The following ADGRG5 variants were observed in gnomAD, a reference collection of about 807,000 sequenced individuals.
ADGRG5 encodes adhesion G protein-coupled receptor G5.
In ADGRG5, 37 loss-of-function variants were observed where a neutral mutation model predicts 53.2. That is an observed-to-expected ratio of 0.70 (90% CI 0.53 to 0.91). The LOEUF is 0.91. ADGRG5 is among the 40% of genes least tolerant of loss of function. The pLI is 0.00. For synonymous variants in ADGRG5, 277 were observed against 290.4 expected (o/e 0.95, Z 0.47); for missense variants, 614 against 675.8 (o/e 0.91, Z 1.01).
At chr16:57,571,052 C>CT (rs1241810123) in intron 10 of ADGRG5, among the ~76,000 whole-genome samples, 28 of 151,550 alleles carry the variant, frequency 1.8e-4, no homozygotes, top group African/African-American at 4.8e-4. Flanking sequence ...CACGCTGCTG[C>CT]TTTTTTTTTA....
chr16:57,567,196 G>A (rs1205917850), intron 7 of ADGRG5, among the ~76,000 whole-genome samples: 1 of 152,214 alleles, frequency 6.6e-6, no homozygotes, highest in Non-Finnish European at 1.5e-5. Context: ...GACCAGGCCT[G>A]GCACCCCTTT....
At chr16:57,532,353 C>T in the ADGRG5 span, among the ~76,000 whole-genome samples, 1 of 152,174 alleles carries the variant, frequency 6.6e-6, no homozygotes, top group Non-Finnish European at 1.5e-5. Flanking sequence ...CCATACAGAT[C>T]CAGGCTCTGG....
At chr16:57,561,066 G>A (rs145937502) in intron 1 of ADGRG5, among the ~76,000 whole-genome samples, 41 of 152,296 alleles carry the variant, frequency 2.7e-4, no homozygotes, top group Non-Finnish European at 5.0e-4. Context: ...GGCATGAGCC[G>A]CCATGCCTGG....
chr16:57,563,893 G>C lies in ADGRG5; in HGVS notation c.343G>C (p.Ala115Pro), dbSNP rs747653288. The change falls in exon 5 of 12, where the codon GCC (alanine) becomes CCC (proline). Residue 115 changes from alanine (A) to proline (P), a missense_variant. Ala to Pro is a conservative substitution (Grantham distance 27). Coordinates refer to ENST00000349457, the MANE Select transcript of ADGRG5 (RefSeq NM_001304376.3). ...ARGQHAMQFP[A>P]ELTRDACKTR... ...GGGTCAGCACGCCATGCAGTTCCCC[G>C]CCGAGCTGACCCGGGACGCCTGCAA... 10 of 1,613,918 alleles carry C rather than the reference G, an allele frequency of 6.2e-6. No individual in the cohort carries two copies. Among genetic ancestry groups the C allele is most frequent in the Non-Finnish European group, 8.5e-6 (10 of 1,180,008 alleles).
chr16:57,542,994 T>C (rs1361111276), intron 1 of ADGRG5: 3 of 152,118 alleles, frequency 2.0e-5, no homozygotes, highest in African/African-American at 7.2e-5. Flanking sequence ...TGAAGAGAGG[T>C]TTCTTTTCTG....
intron 1 of ADGRG5, among the ~76,000 whole-genome samples, chr16:57,544,132 A>G (rs1405415369): frequency 6.6e-6 from 1 of 152,142 alleles, no homozygotes; most frequent in Admixed American, 6.5e-5. Context: ...GGGAGGCTGC[A>G]GTGTGCAGGG....
intron 1 of ADGRG5, among the ~76,000 whole-genome samples, chr16:57,559,819 C>A (rs1198699140): frequency 1.3e-5 from 2 of 151,824 alleles, no homozygotes; most frequent in African/African-American, 4.8e-5. Context: ...ATCTGACTCT[C>A]TACTTTCTAG....
Position 57,554,611 on chromosome 16 carries a change from T to C in ADGRG5, c.-38-7445T>C, listed in dbSNP as rs527848614. ...CAGGATGGTCTCAATCTCCTGACTT[T>C]GTGATCCGCCCACCTTGGCCTCCCA... On this transcript the variant is annotated intron_variant, in intron 1 of 11. Transcript: ENST00000349457. Among the ~76,000 whole-genome samples, 122 of 152,220 alleles carry C rather than the reference T, an allele frequency of 8.0e-4. No individual in the cohort carries two copies. In the Middle Eastern group the frequency reaches 0.01, roughly 13 times the overall value.
the ADGRG5 span, among the ~76,000 whole-genome samples, chr16:57,531,408 C>T: frequency 6.6e-6 from 1 of 152,084 alleles, no homozygotes; most frequent in East Asian, 1.9e-4. Flanking sequence ...GCCTTCCATC[C>T]ACCTTCTTTG....
At position 57,567,950 on chromosome 16, in the gene ADGRG5, A is replaced by C; in HGVS notation, c.916A>C (p.Met306Leu). Residue 306 changes from methionine (M) to leucine (L), a missense_variant, in exon 9 of 12, where the codon ATG becomes CTG. Physicochemically the swap from Met to Leu is conservative, Grantham distance 15. Coordinates refer to ENST00000349457, the MANE Select transcript of ADGRG5 (RefSeq NM_001304376.3). The part of the protein sequence containing the change: ...IAFLLSPAFA[M>L]SPVPGSACTA... The stretch of plus-strand genomic sequence containing the variant: ...CTTCCTGCTGAGCCCCGCATTCGCA[A>C]TGTCTCCTGTGCCCGGGTCAGCATG... The C allele has an allele frequency of 6.2e-7, 1 of 1,613,928 alleles. No homozygotes were observed. The highest frequency in any genetic ancestry group is 8.5e-7 in the Non-Finnish European group (1 of 1,179,928).
At chr16:57,532,698 GACACACACACACAC>G in the ADGRG5 span, among the ~76,000 whole-genome samples, 302 of 148,282 alleles carry the variant, frequency 2.0e-3, no homozygotes, top group Admixed American at 9.4e-3. Flanking sequence ...AAGTGAAGCA[GACACACACACACAC>G]ACACACACAC....
In ADGRG5 at chr16:57,575,748, A is replaced by C; in HGVS notation, c.*210A>C. Reference sequence around the variant, plus strand: ...TGACATTTTGCTCCGGGGCAGATCCAACCTTACCTGGGGCAGCAAACTTTG... The same window carrying C: ...TGACATTTTGCTCCGGGGCAGATCCCACCTTACCTGGGGCAGCAAACTTTG... On this transcript the variant is annotated 3_prime_UTR_variant, in exon 12 of 12. Transcript: ENST00000349457. The C allele has an allele frequency of 1.8e-6, 1 of 548,080 alleles. No individual in the cohort carries two copies. Among genetic ancestry groups the C allele is most frequent in the East Asian group, 3.0e-5 (1 of 32,802 alleles). The allele number at this position is 548,080 out of a possible 1,614,324, so 34.0% of individuals were successfully genotyped here.
chr16:57,575,364 C>T (rs547415874), intron 11 of ADGRG5, 74 bp from the exon 12 acceptor site: 136 of 1,406,418 alleles, frequency 9.7e-5, no homozygotes, highest in Non-Finnish European at 1.1e-4. Flanking sequence ...GAGGCCAGCT[C>T]GCTGCAGCCA....
chr16:57,570,618 G>A, intron 10 of ADGRG5, 83 bp downstream of exon 10: 1 of 1,009,322 alleles, frequency 9.9e-7, no homozygotes, highest in Non-Finnish European at 1.6e-6. Context: ...GGAATATCCT[G>A]TAGGCAAAGC....
At chr16:57,563,056 G>A in intron 3 of ADGRG5, 35 bp from the exon 4 acceptor site, 3 of 1,613,062 alleles carry the variant, frequency 1.9e-6, no homozygotes, top group Non-Finnish European at 2.5e-6. Flanking sequence ...CCCACTCCGG[G>A]CTCTGGCCTC....
upstream of ADGRG5, among the ~76,000 whole-genome samples, chr16:57,540,538 AGAGGAGCAGGAGGCAGAGAAGCCTTCCTG>A (rs1222761983): frequency 9.9e-5 from 15 of 152,066 alleles, no homozygotes; most frequent in African/African-American, 1.7e-4. Context: ...AGTGTTTTGT[AGAGGAGCAGGAGGCAGAGAAGCCTTCCTG>A]GAGGAGCAGG....
chr16:57,541,680 C>T (rs1368069416), upstream of ADGRG5, among the ~76,000 whole-genome samples: 3 of 152,206 alleles, frequency 2.0e-5, no homozygotes, highest in Admixed American at 6.5e-5. Context: ...CCATCTTTCC[C>T]CCAGGGCTGG....
upstream of ADGRG5, among the ~76,000 whole-genome samples, chr16:57,540,251 A>G (rs1437915431): frequency 6.6e-6 from 1 of 152,168 alleles, no homozygotes; most frequent in Non-Finnish European, 1.5e-5. Context: ...CAGACAAACA[A>G]ACAAACAAAC....
At chr16:57,551,582 AG>A (rs1224726546) in intron 1 of ADGRG5, among the ~76,000 whole-genome samples, 1 of 152,238 alleles carries the variant, frequency 6.6e-6, no homozygotes, top group East Asian at 1.9e-4. Context: ...TCACATCTTC[AG>A]GATCCACTAC....
Sources: gnomAD v4.1 joint callset for allele counts (sites outside exome capture counted in the v4.1 genomes callset) on GRCh38, gnomAD v4.1.1 for gene constraint, MANE v1.5 for transcripts, NCBI Gene and HGNC (gene_info 2026-07-23, HGNC 2026-07-21) for gene names.